Variants in OXCT1 observed in about 807,000 individuals in gnomAD.
The protein encoded by OXCT1 is succinyl-CoA:3-ketoacid coenzyme A transferase 1, mitochondrial.
A neutral mutation model predicts 69.6 loss-of-function variants in OXCT1; 27 were observed. That is an observed-to-expected ratio of 0.39 (90% CI 0.29 to 0.54). The LOEUF (loss-of-function observed/expected upper bound fraction) is 0.54. OXCT1 is among the 20% of genes least tolerant of loss of function. The probability of loss-of-function intolerance (pLI) is 0.72; values close to 1 mark genes in which losing one functional copy is unlikely to be tolerated. For missense variants in OXCT1, 437 were observed against 650.2 expected (o/e 0.67, Z 3.57); for synonymous variants, 202 against 217.8 (o/e 0.93, Z 0.64).
intron 12 of OXCT1, 135 bp downstream of exon 12, chr5:41,794,542 C>T (rs1746083282): frequency 1.3e-6 from 1 of 788,600 alleles, no homozygotes; most frequent in Non-Finnish European, 2.1e-6. Flanking sequence ...ATTTCACACC[C>T]TGCAGCCGAA....
At chr5:41,851,611 C>A (rs528892879) in intron 4 of OXCT1, among the ~76,000 whole-genome samples, 1 of 152,226 alleles carries the variant, frequency 6.6e-6, no homozygotes, top group East Asian at 1.9e-4. Context: ...TACTCCTCCC[C>A]CTAGCCTTCA....
At chr5:41,839,477 C>T (rs1748528581) in intron 7 of OXCT1, among the ~76,000 whole-genome samples, 1 of 152,198 alleles carries the variant, frequency 6.6e-6, no homozygotes, top group South Asian at 2.1e-4. Context: ...GTAAGCCACA[C>T]TATCCATTTT....
chr5:41,742,032 A>G (rs553249159), intron 15 of OXCT1, among the ~76,000 whole-genome samples: 1 of 152,320 alleles, frequency 6.6e-6, no homozygotes, highest in African/African-American at 2.4e-5. Context: ...TAAGAAAAAA[A>G]GAGCATCTGG....
In OXCT1 at chr5:41,773,475, T is replaced by C. The variant is rs115317764; in HGVS notation, c.1249-11275A>G. Among the ~76,000 whole-genome samples the C allele has an allele frequency of 6.2e-3, 936 of 150,994 alleles. 9 individuals are homozygous for C. The highest frequency in any genetic ancestry group is 0.022 in the African/African-American group (892 of 41,102). ...AGCTGGGTGTGGTTGCATGCACCTG[T>C]AGTATGAGCTACTTGGGAGGCTGAA... On this transcript the variant is annotated intron_variant, in intron 13 of 16. Transcript: ENST00000196371.
At chr5:41,853,719 G>A in intron 3 of OXCT1, 165 bp from the exon 4 acceptor site, 1 of 760,578 alleles carries the variant, frequency 1.3e-6, no homozygotes. Context: ...TTGCAAGGTA[G>A]CTATCCTTTT....
intron 5 of OXCT1, among the ~76,000 whole-genome samples, chr5:41,845,820 T>A (rs1456705653): frequency 6.6e-6 from 1 of 152,174 alleles, no homozygotes; most frequent in Non-Finnish European, 1.5e-5. Flanking sequence ...TAGGCTCCTG[T>A]CTTTTACTTT....
chr5:41,857,601 G>A (rs917984929), intron 3 of OXCT1, among the ~76,000 whole-genome samples: 5 of 152,008 alleles, frequency 3.3e-5, no homozygotes, highest in Non-Finnish European at 7.3e-5. Context: ...CTCTCTCCCT[G>A]AGAAGTTACA....
At chr5:41,811,096 C>T (rs764137855) in intron 7 of OXCT1, among the ~76,000 whole-genome samples, 1 of 144,848 alleles carries the variant, frequency 6.9e-6, no homozygotes. Context: ...AAAAAAAAAG[C>T]AGCTGTGGAA....
chr5:41,741,087 A>G (rs1207587112), intron 15 of OXCT1, among the ~76,000 whole-genome samples: 3 of 151,546 alleles, frequency 2.0e-5, no homozygotes, highest in Non-Finnish European at 4.4e-5. Context: ...AGTAGCTGGG[A>G]TTACAGGCAT....
At chr5:41,758,896 C>T (rs1744212537) in intron 14 of OXCT1, among the ~76,000 whole-genome samples, 1 of 151,980 alleles carries the variant, frequency 6.6e-6, no homozygotes, top group Non-Finnish European at 1.5e-5. Flanking sequence ...TATCTATGCA[C>T]AGGAAGGCTA....
intron 10 of OXCT1, 85 bp downstream of exon 10, chr5:41,802,983 TA>T: frequency 2.1e-6 from 2 of 960,264 alleles, no homozygotes; most frequent in South Asian, 1.4e-5. Flanking sequence ...GCTATTGAAA[TA>T]AAAAAATTTA....
At chr5:41,836,373 A>T (rs1393736293) in intron 7 of OXCT1, among the ~76,000 whole-genome samples, 1 of 152,196 alleles carries the variant, frequency 6.6e-6, no homozygotes, top group East Asian at 1.9e-4. Flanking sequence ...ACTGTGTCAC[A>T]ACTTTGTGGG....
intron 13 of OXCT1, among the ~76,000 whole-genome samples, chr5:41,784,944 G>A (rs2112194700): frequency 6.6e-6 from 1 of 152,244 alleles, no homozygotes; most frequent in African/African-American, 2.4e-5. Flanking sequence ...CCTTTAGTCT[G>A]AAAAATATTG....
At chr5:41,845,337 G>A (rs1451557512) in intron 5 of OXCT1, among the ~76,000 whole-genome samples, 2 of 152,186 alleles carry the variant, frequency 1.3e-5, no homozygotes, top group Non-Finnish European at 2.9e-5. Context: ...AATATCAGCT[G>A]CCTGGCCAGT....
chr5:41,786,065 A>G (rs1453340391), intron 13 of OXCT1, among the ~76,000 whole-genome samples: 1 of 152,184 alleles, frequency 6.6e-6, no homozygotes, highest in Non-Finnish European at 1.5e-5. Flanking sequence ...CAACAGGTTA[A>G]TGCTTTGTCA....
chr5:41,786,188 C>T (rs935201666), intron 13 of OXCT1, among the ~76,000 whole-genome samples: 3 of 152,070 alleles, frequency 2.0e-5, no homozygotes, highest in Non-Finnish European at 2.9e-5. Flanking sequence ...TAGGAGCAGC[C>T]GCTGCAGGAG....
In OXCT1 at chr5:41,808,813, G is replaced by A. The variant is rs115456927; in HGVS notation, c.733-1375C>T. Among the ~76,000 whole-genome samples the A allele has an allele frequency of 3.0e-3, 455 of 152,146 alleles. 1 individual carries two copies. The highest frequency in any genetic ancestry group is 0.01 in the African/African-American group (432 of 41,532). On this transcript the variant is annotated intron_variant, in intron 7 of 16. Coordinates refer to ENST00000196371, the MANE Select transcript of OXCT1 (RefSeq NM_000436.4). ...AGCACTACTGCTACCTCTTCAACTG[G>A]TTGGAACTTTCAGCCATTAGGGCTC...
chr5:41,843,977 T>C (rs1412234149), intron 5 of OXCT1, among the ~76,000 whole-genome samples: 2 of 152,206 alleles, frequency 1.3e-5, no homozygotes, highest in African/African-American at 4.8e-5. Context: ...ACGGCTTATG[T>C]ATTTCAAAAA....
At chr5:41,831,565 C>T (rs1430361040) in intron 7 of OXCT1, among the ~76,000 whole-genome samples, 1 of 152,162 alleles carries the variant, frequency 6.6e-6, no homozygotes, top group African/African-American at 2.4e-5. Context: ...GCTTTGTTCA[C>T]TGCTGTATTT....
Sources: gnomAD v4.1 joint callset for allele counts (sites outside exome capture counted in the v4.1 genomes callset) on GRCh38, gnomAD v4.1.1 for gene constraint, MANE v1.5 for transcripts, NCBI Gene and HGNC (gene_info 2026-07-23, HGNC 2026-07-21) for gene names.